Variants in LPP observed in about 807,000 individuals in gnomAD.
LPP encodes the protein lipoma-preferred partner.
Under a neutral mutation model 60.4 loss-of-function variants are expected in LPP, and 38 were observed. The ratio of observed to expected loss-of-function variants is 0.63; its 90% confidence interval spans 0.49 to 0.83. The LOEUF is 0.83. Among genes scored for constraint, LPP ranks in the 40% least tolerant of loss-of-function variants. The probability of loss-of-function intolerance (pLI) is 0.00; values close to 1 mark genes in which losing one functional copy is unlikely to be tolerated. For missense variants in LPP, 902 were observed against 783.6 expected (o/e 1.15, Z -1.80); for synonymous variants, 328 against 290.8 (o/e 1.13, Z -1.30).
At chr3:188,701,794 T>A (rs546753923) in intron 7 of LPP, among the ~76,000 whole-genome samples, 1 of 151,964 alleles carries the variant, frequency 6.6e-6, no homozygotes, top group East Asian at 1.9e-4. Flanking sequence ...TGTTAGAAGA[T>A]GTTTGCCAAT....
intron 8 of LPP, among the ~76,000 whole-genome samples, chr3:188,738,967 A>C (rs9877870): frequency 0.22 from 33,899 of 152,074 alleles, 4,282 homozygotes; most frequent in Middle Eastern, 0.43. Context: ...AGTCTTTCTA[A>C]TATCAGCCAT....
intron 9 of LPP, among the ~76,000 whole-genome samples, chr3:188,844,659 C>T (rs541320187): frequency 3.9e-4 from 60 of 152,298 alleles, no homozygotes; most frequent in African/African-American, 1.4e-3. Context: ...TGAGAAGTAT[C>T]TACCATTTTT....
At chr3:188,555,328 G>A (rs1829222681) in intron 6 of LPP, among the ~76,000 whole-genome samples, 2 of 152,060 alleles carry the variant, frequency 1.3e-5, no homozygotes, top group South Asian at 4.1e-4. Context: ...GTGAGATGGA[G>A]AGCATTTGGA....
intron 1 of LPP, among the ~76,000 whole-genome samples, chr3:188,211,159 A>T (rs1461279379): frequency 4.6e-5 from 7 of 152,208 alleles, no homozygotes. Context: ...ATTTCTAGAT[A>T]TCTGCCTAAT....
chr3:188,756,992 C>A (rs1180249535), intron 8 of LPP, among the ~76,000 whole-genome samples: 2 of 152,234 alleles, frequency 1.3e-5, no homozygotes, highest in African/African-American at 4.8e-5. Flanking sequence ...GCCATAGTCA[C>A]TCATTCTCTC....
At chr3:188,322,753 C>T (rs1180819145) in intron 2 of LPP, among the ~76,000 whole-genome samples, 1 of 152,174 alleles carries the variant, frequency 6.6e-6, no homozygotes, top group Non-Finnish European at 1.5e-5. Context: ...AGTTGTATGA[C>T]TCTATGCAAG....
rs1483204196 is a variant in LPP at position 188,882,247 on chromosome 3, A to G, written c.*7768A>G. Reference sequence around the variant, plus strand: ...TTGAGCTGATTCTTTGACTTGATTTAGAAGTTGAGAAAAGAGTATTTAAGG... The same window carrying G: ...TTGAGCTGATTCTTTGACTTGATTTGGAAGTTGAGAAAAGAGTATTTAAGG... On this transcript the variant is annotated 3_prime_UTR_variant, in exon 12 of 12. Transcript: ENST00000617246. 9.1e-6 allele frequency: 2 copies of G among 220,326 alleles called. No individual in the cohort carries two copies. Among genetic ancestry groups the G allele is most frequent in the Non-Finnish European group, 1.8e-5 (2 of 110,144 alleles). 13.6% of individuals were successfully genotyped at this position (220,326 alleles called of 1,614,324 possible).
intron 7 of LPP, among the ~76,000 whole-genome samples, chr3:188,665,360 G>C (rs1392535499): frequency 6.6e-6 from 1 of 151,216 alleles, no homozygotes; most frequent in East Asian, 1.9e-4. Flanking sequence ...AAATCACTTT[G>C]TTTAACATAG....
rs139856905 is a variant in LPP at position 188,310,667 on chromosome 3, A to T, written c.-66-30996A>T. On this transcript the variant is annotated intron_variant, in intron 2 of 11. Coordinates refer to ENST00000617246, the MANE Select transcript of LPP (RefSeq NM_001375462.1). ...TATGTGAGTTGAAATAGATTTTTTT[A>T]AAATTCATTTTCTGGACTGGCATTT... Among the ~76,000 whole-genome samples, 405 of 152,296 alleles carry T rather than the reference A, an allele frequency of 2.7e-3. 4 individuals carry two copies. Among genetic ancestry groups the T allele is most frequent in the African/African-American group, 9.5e-3 (394 of 41,556 alleles).
At chr3:188,771,182 A>G (rs1735834455) in intron 9 of LPP, among the ~76,000 whole-genome samples, 2 of 152,184 alleles carry the variant, frequency 1.3e-5, no homozygotes, top group South Asian at 2.1e-4. Context: ...GAATTCACCA[A>G]TAATATTGTA....
chr3:188,407,780 G>GTTTTTT (rs1268002703), intron 4 of LPP, among the ~76,000 whole-genome samples: 107 of 94,880 alleles, frequency 1.1e-3, no homozygotes, highest in East Asian at 1.4e-3. Flanking sequence ...TTTTTTTTTT[G>GTTTTTT]TTTGTTTGTT....
rs1717416483 is a variant in LPP at position 188,225,544 on chromosome 3, A to C, written c.-67+17A>C. 1 of 152,208 alleles carries C rather than the reference A, an allele frequency of 6.6e-6. No homozygotes were observed. The highest frequency in any genetic ancestry group is 1.5e-5 in the Non-Finnish European group (1 of 68,036). 9.4% of individuals were successfully genotyped at this position (152,208 alleles called of 1,614,324 possible). A position where few individuals can be genotyped will look rare whatever the true frequency, so the allele number is the denominator to read the frequency against. On this transcript the variant is annotated intron_variant, in intron 2 of 11. Transcript: ENST00000617246. Reference sequence around the variant, plus strand: ...CCTCAATTGGTGAGTCCCGCACACAAAAAGAACACATTTGCCTTTTAAAAT... The same window carrying C: ...CCTCAATTGGTGAGTCCCGCACACACAAAGAACACATTTGCCTTTTAAAAT...
chr3:188,579,426 G>T (rs777353846), intron 6 of LPP, among the ~76,000 whole-genome samples: 1 of 152,276 alleles, frequency 6.6e-6, no homozygotes, highest in East Asian at 1.9e-4. Context: ...AACAATAAGG[G>T]TGTCATATTA....
intron 6 of LPP, among the ~76,000 whole-genome samples, chr3:188,548,266 C>T (rs973971607): frequency 5.3e-5 from 8 of 152,286 alleles, no homozygotes; most frequent in South Asian, 4.1e-4. Flanking sequence ...TCTTGTGCCA[C>T]GGTTTCCATT....
In LPP at chr3:188,380,379, C is replaced by G. The variant is rs919661288; in HGVS notation, c.-9-25733C>G. 5.3e-5 allele frequency among the ~76,000 whole-genome samples: 8 copies of G among 152,356 alleles called. 1 individual carries two copies. In the South Asian group the frequency reaches 1.7e-3, roughly 32 times the overall value. ...TTTGTCATATTATGAGAAAGAGGCC[C>G]TCTTCTGGGTCACATGTTTGCCTCT... On this transcript the variant is annotated intron_variant, in intron 3 of 11. Transcript: ENST00000617246.
At chr3:188,330,991 C>G (rs1328888488) in intron 2 of LPP, among the ~76,000 whole-genome samples, 1 of 152,028 alleles carries the variant, frequency 6.6e-6, no homozygotes, top group Non-Finnish European at 1.5e-5. Context: ...ACCATTTAGT[C>G]TTCTTATTTT....
chr3:188,821,688 C>T (rs767136630), intron 9 of LPP, among the ~76,000 whole-genome samples: 46 of 151,938 alleles, frequency 3.0e-4, no homozygotes, highest in Non-Finnish European at 5.7e-4. Flanking sequence ...CATACATGTA[C>T]ACGTTACAAT....
chr3:188,766,187 C>T (rs1424390566), intron 9 of LPP, among the ~76,000 whole-genome samples: 5 of 151,662 alleles, frequency 3.3e-5, no homozygotes, highest in African/African-American at 1.2e-4. Context: ...AAATTTTCTA[C>T]GTGAAGATCC....
intron 3 of LPP, among the ~76,000 whole-genome samples, chr3:188,388,898 A>C (rs1779004931): frequency 6.6e-6 from 1 of 152,200 alleles, no homozygotes; most frequent in Non-Finnish European, 1.5e-5. Context: ...TTGTGCTGCA[A>C]AAGCATCAAT....
Sources: gnomAD v4.1 joint callset for allele counts (sites outside exome capture counted in the v4.1 genomes callset) on GRCh38, gnomAD v4.1.1 for gene constraint, MANE v1.5 for transcripts, NCBI Gene and HGNC (gene_info 2026-07-23, HGNC 2026-07-21) for gene names.